Variants in PAWR observed in about 807,000 individuals in gnomAD.
PAWR encodes pro-apoptotic WT1 regulator.
Under a neutral mutation model 32.0 loss-of-function variants are expected in PAWR, and 23 were observed. The ratio of observed to expected loss-of-function variants is 0.72; its 90% CI spans 0.52 to 1.02. The LOEUF is 1.02. Ranked by LOEUF, PAWR falls within the 50% of genes least tolerant of loss-of-function variation. PAWR has a pLI of 0.00. For synonymous variants in PAWR, 226 were observed against 187.1 expected (o/e 1.21, Z -1.70); for missense variants, 457 against 437.7 (o/e 1.04, Z -0.39).
rs1233861777 is a variant in PAWR, at chr12:79,690,220, T to A, written c.25A>T (p.Ser9Cys). 3 of 1,523,278 alleles carry A rather than the reference T, an allele frequency of 2.0e-6. No homozygotes were observed. The highest frequency in any genetic ancestry group is 2.6e-6 in the Non-Finnish European group (3 of 1,139,900). The allele number at this position is 1,523,278 out of a possible 1,614,324, so 94.4% of individuals were successfully genotyped here. ...GTGGTGCTGCCGCCGAGGCCGCTGC[T>A]GGTCCGGTAGCCACCGGTCGCCATA... is the stretch of plus-strand genomic sequence containing the variant. MATGGYRT[S>C]SGLGGSTTDF... is the part of the protein sequence containing the mutation. The change falls in exon 2 of 7, where the codon AGC (serine) becomes TGC (cysteine). Residue 9 changes from serine (S) to cysteine (C), a missense_variant. By Grantham distance (112) the Ser-to-Cys change is moderately radical. Coordinates refer to ENST00000328827, the MANE Select transcript of PAWR (RefSeq NM_002583.4).
chr12:79,662,625 T>A (rs1877404968), intron 2 of PAWR, among the ~76,000 whole-genome samples: 1 of 152,182 alleles, frequency 6.6e-6, no homozygotes, highest in Admixed American at 6.5e-5. Flanking sequence ...GGCAAAAGTA[T>A]CACTCATACA....
chr12:79,664,759 TCGGGACTA>T (rs1391999347), intron 2 of PAWR, among the ~76,000 whole-genome samples: 21 of 151,096 alleles, frequency 1.4e-4, no homozygotes, highest in Middle Eastern at 6.9e-3. Flanking sequence ...TCCCAAGTAC[TCGGGACTA>T]CGGATATGCG....
intron 2 of PAWR, among the ~76,000 whole-genome samples, chr12:79,680,204 G>C (rs1266096689): frequency 1.3e-5 from 2 of 152,190 alleles, no homozygotes; most frequent in African/African-American, 4.8e-5. Context: ...GAAATGCTCA[G>C]CAGGCACAGA....
At chr12:79,620,583 CCA>C (rs1286176009) in intron 3 of PAWR, among the ~76,000 whole-genome samples, 6 of 152,034 alleles carry the variant, frequency 3.9e-5, no homozygotes, top group Non-Finnish European at 8.8e-5. Context: ...AGCCAGAGTC[CCA>C]AGTAGAATGT....
intron 4 of PAWR, chr12:79,597,954 T>G (rs554198563): frequency 1.3e-5 from 2 of 152,212 alleles, no homozygotes; most frequent in Non-Finnish European, 2.9e-5. Context: ...TTAACTGGGC[T>G]GGAGAATCTG....
chr12:79,649,690 C>T (rs1876749379), intron 2 of PAWR, among the ~76,000 whole-genome samples: 1 of 151,986 alleles, frequency 6.6e-6, no homozygotes, highest in Non-Finnish European at 1.5e-5. Context: ...GCTTGGGAGG[C>T]TGAGGTGGGA....
intron 2 of PAWR, among the ~76,000 whole-genome samples, chr12:79,645,036 C>CCACACACA (rs60664351): frequency 0.045 from 5,405 of 119,934 alleles, 235 homozygotes; most frequent in East Asian, 0.15. Context: ...TCCACCCCCA[C>CCACACACA]CACACACACA....
intron 4 of PAWR, among the ~76,000 whole-genome samples, chr12:79,609,203 A>T (rs1368573919): frequency 6.6e-6 from 1 of 152,220 alleles, no homozygotes; most frequent in East Asian, 1.9e-4. Flanking sequence ...AGGTTACAAC[A>T]GCTAAGAAAT....
intron 2 of PAWR, among the ~76,000 whole-genome samples, chr12:79,648,437 T>C (rs1245538794): frequency 1.3e-5 from 2 of 152,000 alleles, no homozygotes; most frequent in African/African-American, 4.8e-5. Context: ...CAGAAGTTAT[T>C]GAGCAACCCA....
intron 4 of PAWR, among the ~76,000 whole-genome samples, chr12:79,597,270 G>A (rs1461010783): frequency 6.6e-6 from 1 of 150,820 alleles, no homozygotes; most frequent in Admixed American, 6.6e-5. Context: ...TCACCATGTT[G>A]CCCAGGCTGG....
intron 2 of PAWR, among the ~76,000 whole-genome samples, chr12:79,627,009 T>C (rs1349718580): frequency 1.3e-5 from 2 of 152,206 alleles, no homozygotes; most frequent in African/African-American, 2.4e-5. Context: ...TTTAGGTTGG[T>C]TCCAAGTCTT....
chr12:79,606,008 G>C (rs1874166891), intron 4 of PAWR, among the ~76,000 whole-genome samples: 2 of 151,900 alleles, frequency 1.3e-5, no homozygotes, highest in South Asian at 4.2e-4. Flanking sequence ...CACAACGCGG[G>C]GGTTGCAGTG....
chr12:79,690,389 G>A lies in PAWR; in HGVS notation c.-145C>T. 4 of 1,344,024 alleles carry A rather than the reference G, an allele frequency of 3.0e-6. No homozygotes were observed. The highest frequency in any genetic ancestry group is 3.8e-6 in the Non-Finnish European group (4 of 1,052,026). The allele number at this position is 1,344,024 out of a possible 1,614,324, so 83.3% of individuals were successfully genotyped here. A position where few individuals can be genotyped will look rare whatever the true frequency, so the allele number is the denominator to read the frequency against. On this transcript the variant is annotated splice_region_variant and 5_prime_UTR_variant, in exon 2 of 7. Transcript: ENST00000328827. ...GCCGCCGCTCCCACAGCAGCCGGCG[G>A]GGCTGAGGTGAAAGACAAAAGGGGG...
chr12:79,622,632 A>G (rs8176861), intron 2 of PAWR, among the ~76,000 whole-genome samples: 1,640 of 152,238 alleles, frequency 0.011, 11 homozygotes, highest in Non-Finnish European at 0.015. Context: ...CAACATTAGG[A>G]TGATACAGAG....
intron 2 of PAWR, among the ~76,000 whole-genome samples, chr12:79,660,563 T>C (rs1877298679): frequency 6.7e-6 from 1 of 149,868 alleles, no homozygotes; most frequent in Non-Finnish European, 1.5e-5. Context: ...GCAAGATGGC[T>C]AAAAAAACAT....
intron 2 of PAWR, among the ~76,000 whole-genome samples, chr12:79,668,583 T>C (rs1198639786): frequency 6.6e-6 from 1 of 152,136 alleles, no homozygotes; most frequent in African/African-American, 2.4e-5. Flanking sequence ...TCATCAGACA[T>C]TGGTTAGATT....
intron 2 of PAWR, among the ~76,000 whole-genome samples, chr12:79,643,353 C>CAT (rs1337642082): frequency 6.6e-6 from 1 of 151,978 alleles, no homozygotes; most frequent in African/African-American, 2.4e-5. Context: ...TGAAAATATA[C>CAT]ATAACAAATT....
At chr12:79,607,681 A>T (rs1259342649) in intron 4 of PAWR, among the ~76,000 whole-genome samples, 1 of 151,190 alleles carries the variant, frequency 6.6e-6, no homozygotes, top group Non-Finnish European at 1.5e-5. Context: ...GTGAGCCATG[A>T]TTACACTACT....
intron 2 of PAWR, among the ~76,000 whole-genome samples, chr12:79,657,575 A>G (rs1195138402): frequency 6.6e-6 from 1 of 152,088 alleles, no homozygotes; most frequent in Non-Finnish European, 1.5e-5. Context: ...GCGGATCACA[A>G]GGTCAGAAGA....
Sources: gnomAD v4.1 joint callset for allele counts (sites outside exome capture counted in the v4.1 genomes callset) on GRCh38, gnomAD v4.1.1 for gene constraint, MANE v1.5 for transcripts, NCBI Gene and HGNC (gene_info 2026-07-23, HGNC 2026-07-21) for gene names.